The following F11 variants were observed in gnomAD, a reference collection of about 807,000 sequenced individuals.
F11 encodes the protein coagulation factor XI.
A neutral mutation model predicts 76.5 loss-of-function variants in F11; 78 were observed. That is an observed-to-expected ratio of 1.02 (90% CI 0.85 to 1.23). The LOEUF (loss-of-function observed/expected upper bound fraction) is 1.23, where lower values mean the gene tolerates loss of function less well. F11 is among the 50% of genes most tolerant of loss of function. The pLI, the probability that F11 is intolerant of heterozygous loss-of-function variation, is 0.00. For synonymous variants in F11, 278 were observed against 276.3 expected (o/e 1.01, Z -0.06); for missense variants, 742 against 771.4 (o/e 0.96, Z 0.45).
In F11 at chr4:186,289,507, A is replaced by G. The variant is rs185783285; in HGVS notation, c.*893A>G. ...GAAAAAACAATTAGGGCGCAAATGG[A>G]TAGTTACAGTAAAGTCTTCAGCAAG... On this transcript the variant is annotated 3_prime_UTR_variant, in exon 15 of 15. Transcript: ENST00000403665. Among the ~76,000 whole-genome samples the G allele has an allele frequency of 6.6e-6, 1 of 152,262 alleles. No individual in the cohort carries two copies. The highest frequency in any genetic ancestry group is 2.4e-5 in the African/African-American group (1 of 41,550).
At chr4:186,276,129 G>T (rs1434147183) in intron 6 of F11, 102 bp from the exon 7 acceptor site, 1 of 1,352,638 alleles carries the variant, frequency 7.4e-7, no homozygotes, top group Non-Finnish European at 1.0e-6. Context: ...AAGATCTTGG[G>T]ATACACTTAA....
chr4:186,280,849 T>C (rs1056379273), intron 10 of F11, among the ~76,000 whole-genome samples: 1 of 132,974 alleles, frequency 7.5e-6, no homozygotes, highest in Non-Finnish European at 1.5e-5. Context: ...TTCTGTTTTC[T>C]TTCTTTCTTT....
At chr4:186,274,916 A>G (rs1561482761) in intron 5 of F11, 1 of 178,322 alleles carries the variant, frequency 5.6e-6, no homozygotes, top group African/African-American at 2.4e-5. Context: ...AAAAACATTC[A>G]AATTACTAAT....
In F11 at chr4:186,284,209, G is replaced by C. The variant is rs121965071; in HGVS notation, c.1253G>C (p.Gly418Ala). The change falls in exon 11 of 15, where the codon GGC becomes GCC. Residue 418 changes from glycine to alanine, a missense_variant. Physicochemically the swap from Gly to Ala is moderately conservative, Grantham distance 60. Transcript: ENST00000403665. ...CCCACTCAGAGACACCTGTGTGGAG[G>C]CTCCATCATTGGAAACCAGTGGATA... ...TSPTQRHLCG[G>A]SIIGNQWILT... 3 of 1,614,232 alleles carry C rather than the reference G, an allele frequency of 1.9e-6. No individual in the cohort carries two copies. Among genetic ancestry groups the C allele is most frequent in the Non-Finnish European group, 1.7e-6 (2 of 1,180,046 alleles).
At chr4:186,269,507 A>G (rs927272062) in intron 2 of F11, among the ~76,000 whole-genome samples, 1 of 152,244 alleles carries the variant, frequency 6.6e-6, no homozygotes, top group Non-Finnish European at 1.5e-5. Flanking sequence ...AAAAGAACAA[A>G]TACTGTGGGA....
At chr4:186,273,772 T>G (rs1740160209) in intron 4 of F11, among the ~76,000 whole-genome samples, 1 of 152,148 alleles carries the variant, frequency 6.6e-6, no homozygotes. Flanking sequence ...TTAATCCAAA[T>G]TGAAAGGAGC....
At chr4:186,277,988 A>G (rs1161083370) in intron 7 of F11, among the ~76,000 whole-genome samples, 2 of 152,082 alleles carry the variant, frequency 1.3e-5, no homozygotes, top group South Asian at 2.1e-4. Flanking sequence ...TTGTAGAGAC[A>G]GAGTTTCGCC....
intron 1 of F11, among the ~76,000 whole-genome samples, chr4:186,266,769 GA>G (rs1469968901): frequency 6.6e-6 from 1 of 151,998 alleles, no homozygotes; most frequent in Non-Finnish European, 1.5e-5. Context: ...AGAAAGAAAG[GA>G]AAAAAATTGG....
intron 6 of F11, 38 bp downstream of exon 6, chr4:186,275,934 A>C (rs1171809558): frequency 6.8e-7 from 1 of 1,462,052 alleles, no homozygotes; most frequent in African/African-American, 1.4e-5. Context: ...TTCAACCATT[A>C]AATATGCTGA....
intron 6 of F11, 141 bp from the exon 7 acceptor site, chr4:186,276,090 C>A (rs529658859): frequency 1.1e-4 from 118 of 1,040,468 alleles, no homozygotes; most frequent in Middle Eastern, 5.8e-4. Flanking sequence ...AATAATCATG[C>A]CATTTTCTTC....
chr4:186,276,497 T>C (rs1182546986), intron 7 of F11, 107 bp downstream of exon 7: 2 of 1,338,902 alleles, frequency 1.5e-6, no homozygotes, highest in Non-Finnish European at 2.1e-6. Context: ...AATGTCAGTA[T>C]AGGATAAAAG....
rs1444394888 is a variant in F11, at chr4:186,284,055, A to C, written c.1136-37A>C. On this transcript the variant is annotated intron_variant, in intron 10 of 14. Transcript: ENST00000403665. Reference sequence around the variant, plus strand: ...AGCATAATTACTGATGGAAAGGAAGATGTAGGAAGCTGCTCATCACAATGC... The same window carrying C: ...AGCATAATTACTGATGGAAAGGAAGCTGTAGGAAGCTGCTCATCACAATGC... 5.6e-6 allele frequency: 9 copies of C among 1,613,966 alleles called. No individual in the cohort carries two copies. The South Asian group carries it at 9.9e-5, about 18-fold the overall frequency.
chr4:186,288,322 A>G, intron 14 of F11, 131 bp from the exon 15 acceptor site: 2 of 1,070,118 alleles, frequency 1.9e-6, no homozygotes, highest in South Asian at 2.6e-5. Context: ...GAACGCAAGC[A>G]CCCAGGTTCT....
chr4:186,277,956 C>A (rs4253843), intron 7 of F11, among the ~76,000 whole-genome samples: 9,238 of 152,098 alleles, frequency 0.061, 529 homozygotes, highest in African/African-American at 0.15. Context: ...TGCACCACCA[C>A]CCCCAGCTAA....
chr4:186,274,568 T>C, intron 5 of F11: 1 of 423,918 alleles, frequency 2.4e-6, no homozygotes, highest in African/African-American at 2.0e-5. Flanking sequence ...CTGCAATTGG[T>C]ATGATTGTCA....
intron 10 of F11, among the ~76,000 whole-genome samples, chr4:186,281,109 G>A (rs1740769249): frequency 6.6e-6 from 1 of 151,924 alleles, no homozygotes; most frequent in Admixed American, 6.6e-5. Context: ...CTCCCGCTTT[G>A]GCCTCCCAAA....
intron 13 of F11, 45 bp from the exon 14 acceptor site, chr4:186,287,639 T>C: frequency 1.4e-6 from 2 of 1,380,576 alleles, no homozygotes; most frequent in Non-Finnish European, 1.0e-6. Flanking sequence ...TTTATGTGTA[T>C]TGTGTATGGT....
Position 186,288,828 on chromosome 4 carries a change from CTT to C in F11, c.*216_*217del, listed in dbSNP as rs1246159495. On this transcript the variant is annotated 3_prime_UTR_variant, in exon 15 of 15. Coordinates refer to ENST00000403665, the MANE Select transcript of F11 (RefSeq NM_000128.4). Reference sequence around the variant, plus strand: ...TGTAGTTTGTTTGAGCATTCAGTCTCTTTGTTTTTGATCACGCTTCTATGGAG... The same window carrying C: ...TGTAGTTTGTTTGAGCATTCAGTCTCTGTTTTTGATCACGCTTCTATGGAG... The C allele has an allele frequency of 1.8e-6, 1 of 570,770 alleles. No individual in the cohort carries two copies. The highest frequency in any genetic ancestry group is 5.0e-4 in the Middle Eastern group (1 of 2,012). The allele number at this position is 570,770 out of a possible 1,614,324, so 35.4% of individuals were successfully genotyped here. A position where few individuals can be genotyped will look rare whatever the true frequency, so the allele number is the denominator to read the frequency against.
At chr4:186,284,040 CT>C in intron 10 of F11, 51 bp from the exon 11 acceptor site, 3 of 1,613,548 alleles carry the variant, frequency 1.9e-6, no homozygotes, top group Non-Finnish European at 2.5e-6. Flanking sequence ...AGCATAATTA[CT>C]GATGGAAAGG....
Sources: gnomAD v4.1 joint callset for allele counts (sites outside exome capture counted in the v4.1 genomes callset) on GRCh38, gnomAD v4.1.1 for gene constraint, MANE v1.5 for transcripts, NCBI Gene and HGNC (gene_info 2026-07-23, HGNC 2026-07-21) for gene names.